Variants in NPHP4 observed in about 807,000 individuals in gnomAD.
NPHP4 encodes nephrocystin 4, also known as nephrocystin-4.
NPHP4 carries 151 observed loss-of-function variants against 155.8 expected under a neutral mutation model. The observed-to-expected ratio is 0.97, with a 90% CI of 0.85 to 1.11. NPHP4 has a LOEUF of 1.11. Among genes scored for constraint, NPHP4 ranks in the 50% least tolerant of loss-of-function variants. The pLI, the probability that NPHP4 is intolerant of heterozygous loss-of-function variation, is 0.00. For synonymous variants in NPHP4, 845 were observed against 816.8 expected, an observed-to-expected ratio of 1.03 and a Z score of -0.59; for missense variants, 1,956 against 1,925.7, an observed-to-expected ratio of 1.02 and a Z score of -0.29.
At chr1:5,884,966 G>GCA (rs1643653386) in intron 18 of NPHP4, among the ~76,000 whole-genome samples, 1 of 90,020 alleles carries the variant, frequency 1.1e-5, no homozygotes, top group Non-Finnish European at 2.2e-5. Context: ...AGCCGAACCC[G>GCA]TCCTACTCCA....
intron 3 of NPHP4, among the ~76,000 whole-genome samples, chr1:5,977,542 C>T (rs1025636035): frequency 3.2e-4 from 49 of 152,020 alleles, no homozygotes; most frequent in African/African-American, 1.0e-3. Flanking sequence ...CTGCTCAGTG[C>T]GTCTCCGAAA....
At chr1:5,945,610 G>T (rs1647048770) in intron 9 of NPHP4, among the ~76,000 whole-genome samples, 1 of 152,104 alleles carries the variant, frequency 6.6e-6, no homozygotes, top group African/African-American at 2.4e-5. Flanking sequence ...CTGCTCTCCG[G>T]CCTGAGGCAC....
In NPHP4 at chr1:5,967,344, T is replaced by C. The variant is rs1570682452; in HGVS notation, c.472A>G (p.Thr158Ala). 6.2e-7 allele frequency: 1 copy of C among 1,606,256 alleles called. No individual in the cohort carries two copies. Among genetic ancestry groups the C allele is most frequent in the Non-Finnish European group, 8.5e-7 (1 of 1,177,036 alleles). ...AGCGGGTGCAGGAGGGCTCTGGGGGTGCCATGGTACAGCCGCAACCTGGAA... is the reference window on the plus strand; with the variant it reads ...AGCGGGTGCAGGAGGGCTCTGGGGGCGCCATGGTACAGCCGCAACCTGGAA... The part of the protein sequence containing the change: ...QDKRLRLYHG[T>A]PRALLHPLLQ... Residue 158 changes from threonine (T) to alanine (A), a missense_variant, in exon 5 of 30, where the codon ACC becomes GCC. Transcript: ENST00000378156.
chr1:5,919,972 G>A (rs185998258), intron 11 of NPHP4, among the ~76,000 whole-genome samples: 81 of 152,098 alleles, frequency 5.3e-4, no homozygotes, highest in African/African-American at 1.7e-3. Flanking sequence ...TCACTCTATC[G>A]TCCAGGCTGG....
intron 18 of NPHP4, among the ~76,000 whole-genome samples, chr1:5,885,850 G>A (rs1044075378): frequency 6.6e-6 from 1 of 152,216 alleles, no homozygotes; most frequent in African/African-American, 2.4e-5. Context: ...CAGAACTGAC[G>A]GAGGAGAGCC....
chr1:5,935,578 T>A (rs972540512), intron 9 of NPHP4, among the ~76,000 whole-genome samples: 3 of 152,220 alleles, frequency 2.0e-5, no homozygotes, highest in African/African-American at 7.2e-5. Flanking sequence ...CACTGCTTTT[T>A]AAAAATCAAA....
intron 7 of NPHP4, among the ~76,000 whole-genome samples, chr1:5,950,647 A>C (rs910738968): frequency 6.6e-5 from 10 of 152,272 alleles, no homozygotes; most frequent in African/African-American, 2.4e-4. Context: ...ATCTGCCTCC[A>C]CGAGAGCAAG....
In NPHP4 at chr1:5,909,136, G is replaced by C; in HGVS notation, c.1503+16C>G. The C allele has an allele frequency of 6.3e-7, 1 of 1,582,776 alleles. No individual in the cohort carries two copies. Among genetic ancestry groups the C allele is most frequent in the Non-Finnish European group, 8.6e-7 (1 of 1,161,644 alleles). On this transcript the variant is annotated intron_variant, in intron 12 of 29. Transcript: ENST00000378156. ...CTCTGGAATTCTGAAGGAGGCCGTGGGGGGCCTGGACTTACCCCTGGTCCC... is the reference window on the plus strand; with the variant it reads ...CTCTGGAATTCTGAAGGAGGCCGTGCGGGGCCTGGACTTACCCCTGGTCCC...
intron 6 of NPHP4, among the ~76,000 whole-genome samples, chr1:5,956,461 T>C (rs1306517990): frequency 6.6e-6 from 1 of 152,034 alleles, no homozygotes; most frequent in Non-Finnish European, 1.5e-5. Flanking sequence ...CTGCAGTGAG[T>C]AGAAACTTCC....
intron 18 of NPHP4, chr1:5,886,960 AG>A: frequency 3.5e-6 from 1 of 284,006 alleles, no homozygotes. Context: ...CATGAGGCAC[AG>A]GGAAGTCTCT....
rs1655459839 is a variant in NPHP4 at position 5,986,197 on chromosome 1, G to A, written c.93C>T (p.Phe31=). 6.2e-7 allele frequency: 1 copy of A among 1,613,796 alleles called. No homozygotes were observed. Among genetic ancestry groups the A allele is most frequent in the African/African-American group, 1.3e-5 (1 of 74,930 alleles). The part of the protein sequence containing the change: ...ARQPWKESTA[F]QCVLKWLDGP... ...CGTCCAGCCACTTGAGGACACACTGGAATGCCGTGGATTCCTTCCAAGGCT... is the reference window on the plus strand; with the variant it reads ...CGTCCAGCCACTTGAGGACACACTGAAATGCCGTGGATTCCTTCCAAGGCT... Residue 31 remains phenylalanine (F), a synonymous_variant, in exon 2 of 30, where the codon TTC becomes TTT. Transcript: ENST00000378156.
At chr1:5,895,758 G>C (rs1484098970) in intron 16 of NPHP4, among the ~76,000 whole-genome samples, 1 of 152,200 alleles carries the variant, frequency 6.6e-6, no homozygotes, top group Non-Finnish European at 1.5e-5. Flanking sequence ...TAATTGCTGA[G>C]ATAGCGAAAT....
chr1:5,893,458 C>T (rs1027759924), intron 16 of NPHP4, among the ~76,000 whole-genome samples: 3 of 151,924 alleles, frequency 2.0e-5, no homozygotes, highest in Non-Finnish European at 4.4e-5. Flanking sequence ...GCAGCCCAGG[C>T]AGAGAGAGAG....
intron 11 of NPHP4, among the ~76,000 whole-genome samples, chr1:5,924,302 A>G (rs1459853581): frequency 6.6e-6 from 1 of 152,180 alleles, no homozygotes; most frequent in Non-Finnish European, 1.5e-5. Context: ...AGGATGAGAG[A>G]GAAAGACAGA....
chr1:5,963,655 G>A (rs1162291707), intron 5 of NPHP4, among the ~76,000 whole-genome samples: 2 of 150,050 alleles, frequency 1.3e-5, no homozygotes, highest in African/African-American at 2.5e-5. Context: ...AAGGGCGGAC[G>A]CCCACTGCAA....
At chr1:5,990,829 T>TC (rs1268516907) in intron 1 of NPHP4, among the ~76,000 whole-genome samples, 1 of 152,164 alleles carries the variant, frequency 6.6e-6, no homozygotes, top group Non-Finnish European at 1.5e-5. Flanking sequence ...ATTCGCAGCC[T>TC]CCCCACCTGT....
At chr1:5,972,098 C>A (rs1253497500) in intron 3 of NPHP4, among the ~76,000 whole-genome samples, 1 of 152,250 alleles carries the variant, frequency 6.6e-6, no homozygotes, top group Non-Finnish European at 1.5e-5. Flanking sequence ...GGGCACCCCC[C>A]ATGGCACGGC....
At chr1:5,951,643 C>T (rs551593319) in intron 7 of NPHP4, among the ~76,000 whole-genome samples, 12 of 152,352 alleles carry the variant, frequency 7.9e-5, no homozygotes, top group East Asian at 1.9e-4. Context: ...AGAGCCAGGG[C>T]GGACAGACCT....
Position 5,952,107 on chromosome 1 carries a change from G to A in NPHP4, c.810+593C>T, listed in dbSNP as rs1349902082. On this transcript the variant is annotated intron_variant, in intron 7 of 29. Transcript: ENST00000378156. ...GCAACAGACAGGAACAGCAGGGAGT[G>A]TGAACAGGCTCTCAGTGACCAGAAC... is the stretch of plus-strand genomic sequence containing the variant. Among the ~76,000 whole-genome samples, 5 of 152,208 alleles carry A rather than the reference G, an allele frequency of 3.3e-5. 1 individual carries two copies. The highest frequency in any genetic ancestry group is 3.3e-4 in the Admixed American group (5 of 15,280).
Sources: allele counts gnomAD v4.1 joint callset (sites outside exome capture counted in the v4.1 genomes callset), GRCh38; gene constraint gnomAD v4.1.1; transcripts MANE v1.5; gene names NCBI Gene and HGNC (gene_info 2026-07-23, HGNC 2026-07-21).